PPEF1: variants seen among roughly 807,000 people sequenced by gnomAD.
PPEF1 encodes protein phosphatase with EF-hand domain 1.
A neutral mutation model predicts 53.3 loss-of-function variants in PPEF1; 12 were observed. That is an observed-to-expected ratio of 0.23 (90% confidence interval 0.14 to 0.36). The LOEUF (loss-of-function observed/expected upper bound fraction) is 0.36, where lower values mean the gene tolerates loss of function less well. PPEF1 is among the 10% of genes least tolerant of loss of function. The probability of loss-of-function intolerance (pLI) is 1.00; values close to 1 mark genes in which losing one functional copy is unlikely to be tolerated. For missense variants in PPEF1, 334 were observed against 490.4 expected, an observed-to-expected ratio of 0.68 and a Z score of 3.01; for synonymous variants, 165 against 176.7, an observed-to-expected ratio of 0.93 and a Z score of 0.52.
rs182673728 is a variant in PPEF1 at position 18,825,871 on chromosome X, G to A, written c.1750+36G>A. The stretch of plus-strand genomic sequence containing the variant: ...GAACTTGGATGAGTCCATTTAAAAA[G>A]TGTATGTGTGTGTGTATGTTGGGGA... On this transcript the variant is annotated intron_variant, in intron 15 of 15. Transcript: ENST00000470157. 6.5e-4 allele frequency: 635 copies of A among 975,720 alleles called. 3 individuals carry two copies. In the African/African-American group the frequency reaches 0.01, roughly 16 times the overall value. The allele number at this position is 975,720 out of a possible 1,213,427, so 80.4% of individuals were successfully genotyped here.
chrX:18,751,354 A>G, intron 4 of PPEF1, among the ~76,000 whole-genome samples: 1 of 112,059 alleles, frequency 8.9e-6, no homozygotes, highest in Non-Finnish European at 1.9e-5. Flanking sequence ...TCTGTGAATG[A>G]TTTTGAGTTA....
At chrX:18,680,227 G>GCTGCTC (rs1285262459), upstream of PPEF1, among the ~76,000 whole-genome samples, 3 of 110,183 alleles carry the variant, frequency 2.7e-5, no homozygotes, top group Non-Finnish European at 5.7e-5. Flanking sequence ...TGCTGCTGCT[G>GCTGCTC]CTGCTCTCAG....
intron 1 of PPEF1, among the ~76,000 whole-genome samples, chrX:18,716,510 C>T (rs906090226): frequency 4.9e-5 from 4 of 81,157 alleles, no homozygotes; most frequent in African/African-American, 2.0e-4. Flanking sequence ...ACAGCCTGGG[C>T]GAGAGAGCGA....
intron 3 of PPEF1, among the ~76,000 whole-genome samples, chrX:18,740,487 G>A (rs750034048): frequency 9.3e-6 from 1 of 107,368 alleles, no homozygotes; most frequent in Non-Finnish European, 1.9e-5. Context: ...TCGGCTCACT[G>A]CAACCTCTGC....
At chrX:18,781,721 A>G (rs978149934) in intron 7 of PPEF1, among the ~76,000 whole-genome samples, 1 of 111,640 alleles carries the variant, frequency 9.0e-6, no homozygotes, top group African/African-American at 3.3e-5. Context: ...TCATCTTCAC[A>G]GTGTTGGATA....
At chrX:18,767,422 G>A (rs1053207520) in intron 6 of PPEF1, among the ~76,000 whole-genome samples, 11 of 111,376 alleles carry the variant, frequency 9.9e-5, no homozygotes, top group East Asian at 2.8e-4. Flanking sequence ...GCACACACCC[G>A]TAGTCCCAGC....
intron 4 of PPEF1, among the ~76,000 whole-genome samples, chrX:18,752,638 A>G (rs2045468498): frequency 9.0e-6 from 1 of 110,599 alleles, no homozygotes; most frequent in African/African-American, 3.3e-5. Flanking sequence ...GTTTTTCATA[A>G]AAGTCTTTTA....
At chrX:18,676,585 T>A (rs2147213857) in intron 1 of PPEF1, among the ~76,000 whole-genome samples, 1 of 111,235 alleles carries the variant, frequency 9.0e-6, no homozygotes, top group African/African-American at 3.3e-5. Flanking sequence ...GGAGGATACG[T>A]TCCTGAGAGC....
At chrX:18,675,497 C>T (rs771754831), upstream of PPEF1, among the ~76,000 whole-genome samples, 291 of 113,308 alleles carry the variant, frequency 2.6e-3, 1 homozygote, top group African/African-American at 8.8e-3. Context: ...GGACCTCTAC[C>T]CGCTCCCCTG....
chrX:18,757,764 C>T, intron 5 of PPEF1, 23 bp downstream of exon 5: 1 of 1,112,755 alleles, frequency 9.0e-7, no homozygotes, highest in Middle Eastern at 2.5e-4. Flanking sequence ...GCAGAGTTGT[C>T]CAATTAATAT....
intron 1 of PPEF1, among the ~76,000 whole-genome samples, chrX:18,710,254 C>T (rs1485996071): frequency 9.0e-6 from 1 of 111,723 alleles, no homozygotes; most frequent in East Asian, 2.8e-4. Context: ...ATACAAGTTT[C>T]CTATCAAATA....
At chrX:18,682,604 A>G (rs1367331258), upstream of PPEF1, among the ~76,000 whole-genome samples, 1 of 111,011 alleles carries the variant, frequency 9.0e-6, no homozygotes, top group East Asian at 2.8e-4. Flanking sequence ...TATACCATTG[A>G]CTCTTCAGTT....
At chrX:18,770,391 C>T (rs958094939) in intron 6 of PPEF1, among the ~76,000 whole-genome samples, 2 of 111,473 alleles carry the variant, frequency 1.8e-5, no homozygotes, top group African/African-American at 3.3e-5. Context: ...CTCTTTGATG[C>T]GGTTGTCTTG....
chrX:18,786,796 A>AG (rs1268833348), intron 9 of PPEF1, among the ~76,000 whole-genome samples: 10 of 42,537 alleles, frequency 2.4e-4, no homozygotes, highest in African/African-American at 2.9e-4. Flanking sequence ...AAAAAAAAAA[A>AG]AAAAGAAAAG....
At chrX:18,755,796 G>A (rs574150966) in intron 4 of PPEF1, among the ~76,000 whole-genome samples, 11 of 111,252 alleles carry the variant, frequency 9.9e-5, no homozygotes, top group Admixed American at 1.9e-4. Context: ...AAGTGGAATC[G>A]TACAATATAT....
At chrX:18,768,813 G>T (rs1188522523) in intron 6 of PPEF1, among the ~76,000 whole-genome samples, 1 of 112,092 alleles carries the variant, frequency 8.9e-6, no homozygotes, top group Non-Finnish European at 1.9e-5. Flanking sequence ...ATAGTTCAGG[G>T]TTGGACATGT....
At chrX:18,780,503 G>A (rs1008612222) in intron 7 of PPEF1, among the ~76,000 whole-genome samples, 5 of 111,943 alleles carry the variant, frequency 4.5e-5, no homozygotes, top group Non-Finnish European at 9.4e-5. Context: ...GAATTTGGAC[G>A]GACTTCCAAG....
intron 10 of PPEF1, among the ~76,000 whole-genome samples, chrX:18,798,954 T>C (rs1331475970): frequency 9.0e-6 from 1 of 110,967 alleles, no homozygotes; most frequent in African/African-American, 3.3e-5. Flanking sequence ...TGACATGGTC[T>C]AGGCCAGGCG....
chrX:18,744,637 G>A (rs1453245873), intron 3 of PPEF1, among the ~76,000 whole-genome samples: 2 of 111,436 alleles, frequency 1.8e-5, no homozygotes, highest in South Asian at 3.8e-4. Context: ...ATGTCCTATC[G>A]GACCAGGTAT....
Sources: allele counts gnomAD v4.1 joint callset (sites outside exome capture counted in the v4.1 genomes callset), GRCh38; gene constraint gnomAD v4.1.1; transcripts MANE v1.5; gene names NCBI Gene and HGNC (gene_info 2026-07-23, HGNC 2026-07-21).